Variants in KIAA0319L observed in about 807,000 individuals in gnomAD.
The protein encoded by KIAA0319L is dyslexia-associated protein KIAA0319-like protein.
Under a neutral mutation model 120.1 loss-of-function variants are expected in KIAA0319L, and 55 were observed. The observed-to-expected ratio is 0.46, with a 90% CI of 0.37 to 0.57. KIAA0319L has a LOEUF of 0.57. KIAA0319L is among the 20% of genes least tolerant of loss of function. The pLI is 0.00. For missense variants in KIAA0319L, 1,049 were observed against 1,255.3 expected (o/e 0.84, Z 2.48); for synonymous variants, 398 against 471.9 (o/e 0.84, Z 2.03).
At chr1:35,515,635 C>T (rs781262662) in intron 2 of KIAA0319L, among the ~76,000 whole-genome samples, 1 of 152,068 alleles carries the variant, frequency 6.6e-6, no homozygotes, top group African/African-American at 2.4e-5. Context: ...AACAACCTAA[C>T]ATCACAACTG....
In KIAA0319L at chr1:35,479,201, C is replaced by T. The variant is rs376237258; in HGVS notation, c.678G>A (p.Ala226=). ...TTSGSAEVHK[A]ITISSPLTTD... is the part of the protein sequence containing the mutation. ...TGGTTAGGGGACTGGAAATTGTAAT[C>T]GCCTTGTGGACCTAAAGAAATAAAA... The change falls in exon 4 of 21, where the codon GCG becomes GCA. Residue 226 remains alanine, a synonymous_variant. Coordinates refer to ENST00000325722, the MANE Select transcript of KIAA0319L (RefSeq NM_024874.5). 46 of 1,613,056 alleles carry T rather than the reference C, an allele frequency of 2.9e-5. No homozygotes were observed. Among genetic ancestry groups the T allele is most frequent in the Middle Eastern group, 1.6e-4 (1 of 6,074 alleles).
chr1:35,500,691 G>A (rs570929199), intron 3 of KIAA0319L, among the ~76,000 whole-genome samples: 63 of 152,114 alleles, frequency 4.1e-4, no homozygotes, highest in Admixed American at 5.9e-4. Context: ...GGTGCTGCTC[G>A]CCAGTCATCC....
chr1:35,548,368 T>C (rs1168293884), intron 2 of KIAA0319L, among the ~76,000 whole-genome samples: 1 of 152,080 alleles, frequency 6.6e-6, no homozygotes, highest in African/African-American at 2.4e-5. Flanking sequence ...TCTATACTCC[T>C]GCAAAAATTA....
chr1:35,449,794 G>T, intron 15 of KIAA0319L, 73 bp downstream of exon 15: 1 of 1,532,324 alleles, frequency 6.5e-7, no homozygotes, highest in Non-Finnish European at 9.0e-7. Flanking sequence ...GCTCGGGGAA[G>T]GGGATCTCAG....
chr1:35,484,148 G>A lies in KIAA0319L; in HGVS notation c.667-4936C>T, dbSNP rs140244006. On this transcript the variant is annotated intron_variant, in intron 3 of 20. Coordinates refer to ENST00000325722, the MANE Select transcript of KIAA0319L (RefSeq NM_024874.5). ...TGAGGTTCCAGATGGACATGAATGC[G>A]GGGAGGGGAGGACATCATTACTTAT... Among the ~76,000 whole-genome samples the A allele has an allele frequency of 2.4e-4, 37 of 152,304 alleles. No individual in the cohort carries two copies. The East Asian group carries it at 3.7e-3, about 15-fold the overall frequency.
At chr1:35,498,499 T>C (rs1644892757) in intron 3 of KIAA0319L, among the ~76,000 whole-genome samples, 1 of 152,216 alleles carries the variant, frequency 6.6e-6, no homozygotes, top group Non-Finnish European at 1.5e-5. Context: ...TTCTTATTCA[T>C]AATGATGAAA....
chr1:35,455,689 T>A (rs1291293463), intron 10 of KIAA0319L, among the ~76,000 whole-genome samples: 1 of 149,742 alleles, frequency 6.7e-6, no homozygotes, highest in Non-Finnish European at 1.5e-5. Flanking sequence ...CAAGGGATTC[T>A]CCTGCCTCAG....
At chr1:35,468,304 C>T (rs1643404256) in intron 6 of KIAA0319L, among the ~76,000 whole-genome samples, 1 of 152,130 alleles carries the variant, frequency 6.6e-6, no homozygotes, top group Admixed American at 6.5e-5. Context: ...CTCTACCCTC[C>T]ATCCCTTAAA....
At position 35,506,801 on chromosome 1, in the gene KIAA0319L, T is replaced by G. The variant is rs1444917586; in HGVS notation, c.477A>C (p.Ala159=). The part of the protein sequence containing the change: ...PHLLGLGWNW[A]SWRQSPPRAA... ...CTCTGGGTGGGCTCTGCCTCCAAGA[T>G]GCCCAGTTCCAACCTAGCCCCAGAA... The change falls in exon 3 of 21, where the codon GCA becomes GCC. Residue 159 remains alanine, a synonymous_variant. Transcript: ENST00000325722. This position sits in a 1 kb window ranked among gnomAD's most constrained non-coding sequence, Gnocchi z 4.0. 3 of 1,614,198 alleles carry G rather than the reference T, an allele frequency of 1.9e-6. No homozygotes were observed. The highest frequency in any genetic ancestry group is 2.5e-6 in the Non-Finnish European group (3 of 1,180,024).
intron 9 of KIAA0319L, 131 bp from the exon 10 acceptor site, chr1:35,456,372 G>T: frequency 1.7e-6 from 1 of 598,174 alleles, no homozygotes. Context: ...ACTTCTATTG[G>T]AGAAGCAGAA....
chr1:35,474,776 C>T (rs116793542), intron 5 of KIAA0319L, 29 bp downstream of exon 5: 126 of 1,368,844 alleles, frequency 9.2e-5, no homozygotes, highest in Non-Finnish European at 1.3e-4. Flanking sequence ...AAACAAAAAA[C>T]GGTTATCCAA....
intron 1 of KIAA0319L, 170 bp from the exon 2 acceptor site, chr1:35,554,689 T>C (rs1015100646): frequency 6.8e-6 from 3 of 441,912 alleles, no homozygotes; most frequent in Non-Finnish European, 1.2e-5. Context: ...AGGTAGCCTA[T>C]AATTATCAGA....
intron 2 of KIAA0319L, among the ~76,000 whole-genome samples, chr1:35,524,919 C>T (rs1646061372): frequency 6.6e-6 from 1 of 152,138 alleles, no homozygotes; most frequent in African/African-American, 2.4e-5. Context: ...CCCTACTCTA[C>T]TACAGAACAT....
chr1:35,521,367 G>T (rs1645902992), intron 2 of KIAA0319L, among the ~76,000 whole-genome samples: 1 of 151,912 alleles, frequency 6.6e-6, no homozygotes, highest in South Asian at 2.1e-4. Flanking sequence ...GGGCGCAGTG[G>T]CTCACGCCTG....
intron 2 of KIAA0319L, among the ~76,000 whole-genome samples, chr1:35,529,116 T>C (rs781667082): frequency 3.3e-4 from 51 of 152,312 alleles, no homozygotes; most frequent in Admixed American, 7.8e-4. Flanking sequence ...TTGCCCAGGC[T>C]GGTCTCAAAC....
chr1:35,549,624 A>G (rs1042660305), intron 2 of KIAA0319L, among the ~76,000 whole-genome samples: 2 of 152,190 alleles, frequency 1.3e-5, no homozygotes, highest in African/African-American at 2.4e-5. Flanking sequence ...TCTAGGGCCA[A>G]TTAGGTCCTT....
At chr1:35,518,088 G>A (rs111772468) in intron 2 of KIAA0319L, among the ~76,000 whole-genome samples, 11 of 152,294 alleles carry the variant, frequency 7.2e-5, no homozygotes, top group Non-Finnish European at 1.2e-4. Flanking sequence ...GCAAGATTGC[G>A]GAGAAAAGGA....
chr1:35,518,087 C>A (rs946496791), intron 2 of KIAA0319L, among the ~76,000 whole-genome samples: 1 of 152,064 alleles, frequency 6.6e-6, no homozygotes, highest in African/African-American at 2.4e-5. Flanking sequence ...GGCAAGATTG[C>A]GGAGAAAAGG....
At chr1:35,543,289 CAA>C (rs1052928627) in intron 2 of KIAA0319L, among the ~76,000 whole-genome samples, 1 of 152,176 alleles carries the variant, frequency 6.6e-6, no homozygotes, top group Non-Finnish European at 1.5e-5. Context: ...GACATGTACT[CAA>C]GTCATTATCC....
Sources: gnomAD v4.1 joint callset for allele counts (sites outside exome capture counted in the v4.1 genomes callset) on GRCh38, gnomAD v4.1.1 for gene constraint, Gnocchi (gnomAD v3.1) non-coding constraint, MANE v1.5 for transcripts, NCBI Gene and HGNC (gene_info 2026-07-23, HGNC 2026-07-21) for gene names.